The following SLC12A7 variants were observed in gnomAD, a reference collection of about 807,000 sequenced individuals.
SLC12A7 encodes the protein K-Cl cotransporter 4.
A neutral mutation model predicts 120.6 loss-of-function variants in SLC12A7; 100 were observed. The observed-to-expected ratio is 0.83, with a 90% CI of 0.71 to 0.98. SLC12A7 has a LOEUF of 0.98. SLC12A7 is among the 50% of genes least tolerant of loss of function. The pLI is 0.00. For synonymous variants in SLC12A7, 760 were observed against 678.0 expected (o/e 1.12, Z -1.88); for missense variants, 1,373 against 1,548.1 (o/e 0.89, Z 1.90).
At chr5:1,134,861 C>T in the SLC12A7 span, among the ~76,000 whole-genome samples, 10 of 152,272 alleles carry the variant, frequency 6.6e-5, no homozygotes, top group East Asian at 9.7e-4. Context: ...CGGCCAGGCG[C>T]GGTGGCTCAT....
chr5:1,127,234 C>T, the SLC12A7 span, among the ~76,000 whole-genome samples: 226 of 152,230 alleles, frequency 1.5e-3, no homozygotes, highest in African/African-American at 5.2e-3. Context: ...AGGATAGTCT[C>T]GATCTCTTGA....
chr5:1,076,196 C>T lies in SLC12A7; in HGVS notation c.1789G>A (p.Ala597Thr), dbSNP rs753449843. Residue 597 changes from alanine (A) to threonine (T), a missense_variant, in exon 14 of 24, where the codon GCC becomes ACC. Ala to Thr is a moderately conservative substitution (Grantham distance 58). Coordinates refer to ENST00000264930, the MANE Select transcript of SLC12A7 (RefSeq NM_006598.3). ...GGGGTACGTAGCAGGGTCTGCACGG[C>T]GCAGGCCAGGTTCACGAACAGGTAG... is the stretch of plus-strand genomic sequence containing the variant. ...MCYLFVNLAC[A>T]VQTLLRTPNW... The T allele has an allele frequency of 1.6e-5, 26 of 1,612,142 alleles. No individual in the cohort carries two copies. Among genetic ancestry groups the T allele is most frequent in the Middle Eastern group, 3.3e-4 (2 of 6,082 alleles).
In SLC12A7 at chr5:1,078,746, A is replaced by G. The variant is rs748059040; in HGVS notation, c.1409T>C (p.Ile470Thr). The change falls in exon 11 of 24, where the codon ATT (isoleucine) becomes ACT (threonine). Residue 470 changes from isoleucine (I) to threonine (T), a missense_variant. By Grantham distance (89) the Ile-to-Thr change is moderately conservative. Coordinates refer to ENST00000264930, the MANE Select transcript of SLC12A7 (RefSeq NM_006598.3). The stretch of plus-strand genomic sequence containing the variant: ...TTCAATGCAGGCCCCAAACAGCACA[A>G]TGCAGGAGAGATCCACAGCCCTCGT... ...VTTSFIYLSC[I>T]VLFGACIEGV... 3 of 1,610,556 alleles carry G rather than the reference A, an allele frequency of 1.9e-6. No homozygotes were observed. The highest frequency in any genetic ancestry group is 2.2e-5 in the South Asian group (2 of 91,024).
intron 6 of SLC12A7, 111 bp downstream of exon 6, chr5:1,086,792 G>A: frequency 7.1e-7 from 1 of 1,414,230 alleles, no homozygotes; most frequent in Non-Finnish European, 9.7e-7. Flanking sequence ...CAGGGCAGTG[G>A]GGTCAGGATG....
chr5:1,053,190 C>T (rs952928567), intron 23 of SLC12A7, among the ~76,000 whole-genome samples, 159 bp downstream of exon 23: 1 of 152,314 alleles, frequency 6.6e-6, no homozygotes, highest in Middle Eastern at 3.4e-3. Flanking sequence ...CACCACTGGG[C>T]TCAGAGCCCC....
the SLC12A7 span, among the ~76,000 whole-genome samples, chr5:1,134,203 C>T: frequency 6.6e-6 from 1 of 152,190 alleles, no homozygotes; most frequent in Non-Finnish European, 1.5e-5. Flanking sequence ...GGCGCGGTGG[C>T]TCATGCCTGT....
At chr5:1,148,900 C>T in the SLC12A7 span, among the ~76,000 whole-genome samples, 1 of 152,230 alleles carries the variant, frequency 6.6e-6, no homozygotes, top group Non-Finnish European at 1.5e-5. Flanking sequence ...TCAGGCCAAA[C>T]CAAAATGGAG....
rs988802736 is a variant in SLC12A7 at position 1,076,896 on chromosome 5, A to G, written c.1630-84T>C. On this transcript the variant is annotated intron_variant, in intron 12 of 23. Coordinates refer to ENST00000264930, the MANE Select transcript of SLC12A7 (RefSeq NM_006598.3). ...TGCAGGCTGGTCAGGTCTAGCCCAG[A>G]TGAATCTTAAAGACACAGACCAGCA... 6 of 930,196 alleles carry G rather than the reference A, an allele frequency of 6.5e-6. No homozygotes were observed. The African/African-American group carries it at 6.5e-5, about 10-fold the overall frequency. 57.6% of individuals were successfully genotyped at this position (930,196 alleles called of 1,614,324 possible).
intron 9 of SLC12A7, 67 bp from the exon 10 acceptor site, chr5:1,079,563 C>T (rs73731153): frequency 3.0e-6 from 4 of 1,344,884 alleles, no homozygotes; most frequent in Admixed American, 3.4e-5. Context: ...GCAGCCCCTG[C>T]CCAGAAAGCT....
At chr5:1,059,946 C>T (rs1214379455) in intron 21 of SLC12A7, among the ~76,000 whole-genome samples, 1 of 152,248 alleles carries the variant, frequency 6.6e-6, no homozygotes, top group Non-Finnish European at 1.5e-5. Flanking sequence ...TGTGGGCACT[C>T]ATCCGGCTCA....
chr5:1,109,136 C>T (rs889355936), intron 1 of SLC12A7, among the ~76,000 whole-genome samples: 2 of 152,190 alleles, frequency 1.3e-5, no homozygotes, highest in African/African-American at 4.8e-5. Flanking sequence ...GTGGCCAGGG[C>T]CTGTGGGACC....
At chr5:1,151,597 G>T in the SLC12A7 span, among the ~76,000 whole-genome samples, 3 of 152,188 alleles carry the variant, frequency 2.0e-5, no homozygotes, top group Non-Finnish European at 4.4e-5. The surrounding 1 kb of genome is among the most constrained non-coding windows in gnomAD (Gnocchi z 6.2). Context: ...CCCAGTGCCA[G>T]GGGTGAAAAC....
chr5:1,129,221 T>G, the SLC12A7 span, among the ~76,000 whole-genome samples: 4 of 152,172 alleles, frequency 2.6e-5, no homozygotes, highest in African/African-American at 9.6e-5. Flanking sequence ...CAGCCGCCAC[T>G]GCTGCCGGCC....
chr5:1,142,943 GGGCACTGGGCCCTGGGCCCCA>G, the SLC12A7 span, among the ~76,000 whole-genome samples: 1 of 137,470 alleles, frequency 7.3e-6, no homozygotes, highest in Non-Finnish European at 1.6e-5. Flanking sequence ...CATCCTGGGA[GGGCACTGGGCCCTGGGCCCCA>G]GGCCCCGGGC....
intron 8 of SLC12A7, among the ~76,000 whole-genome samples, chr5:1,082,043 C>T (rs62331211): frequency 4.5e-4 from 55 of 123,168 alleles, no homozygotes; most frequent in African/African-American, 1.2e-3. Flanking sequence ...CTTCCCGTCT[C>T]GGGTTCTGGA....
the SLC12A7 span, among the ~76,000 whole-genome samples, chr5:1,139,073 G>T: frequency 6.6e-6 from 1 of 152,174 alleles, no homozygotes; most frequent in East Asian, 1.9e-4. Flanking sequence ...GGGGTGGGGG[G>T]GGGGCTCTGG....
At chr5:1,133,961 C>A in the SLC12A7 span, among the ~76,000 whole-genome samples, 1 of 152,126 alleles carries the variant, frequency 6.6e-6, no homozygotes, top group Non-Finnish European at 1.5e-5. Flanking sequence ...CCAGCACGTA[C>A]ACCATGGAGA....
At chr5:1,092,039 G>C (rs761561352) in intron 3 of SLC12A7, among the ~76,000 whole-genome samples, 1 of 152,204 alleles carries the variant, frequency 6.6e-6, no homozygotes, top group Non-Finnish European at 1.5e-5. Flanking sequence ...AACAGCCAGG[G>C]CTGAGGGCCC....
At chr5:1,066,426 C>T (rs1737063378) in intron 17 of SLC12A7, among the ~76,000 whole-genome samples, 1 of 152,106 alleles carries the variant, frequency 6.6e-6, no homozygotes, top group Non-Finnish European at 1.5e-5. Flanking sequence ...TCTGTGCAGG[C>T]CTGAGACTTC....
Sources: gnomAD v4.1 joint callset for allele counts (sites outside exome capture counted in the v4.1 genomes callset) on GRCh38, gnomAD v4.1.1 for gene constraint, Gnocchi (gnomAD v3.1) non-coding constraint, MANE v1.5 for transcripts, NCBI Gene and HGNC (gene_info 2026-07-23, HGNC 2026-07-21) for gene names.